PTK2: variants seen among roughly 807,000 people sequenced by gnomAD.
The protein encoded by PTK2 is focal adhesion kinase 1.
A neutral mutation model predicts 150.1 loss-of-function variants in PTK2; 45 were observed. The observed-to-expected ratio is 0.30, with a 90% confidence interval of 0.24 to 0.38. The LOEUF (loss-of-function observed/expected upper bound fraction) is 0.38. PTK2 is among the 10% of genes least tolerant of loss of function. PTK2 has a pLI of 1.00. For missense variants in PTK2, 919 were observed against 1,307.3 expected (o/e 0.70, Z 4.58); for synonymous variants, 432 against 449.2 (o/e 0.96, Z 0.48).
chr8:140,683,846 G>C (rs188574869), intron 27 of PTK2, among the ~76,000 whole-genome samples: 133 of 150,742 alleles, frequency 8.8e-4, no homozygotes, highest in Non-Finnish European at 1.6e-3. Context: ...GGTAATGAAG[G>C]AACATAACTC....
chr8:140,932,078 ACT>A (rs1472775063), intron 1 of PTK2, among the ~76,000 whole-genome samples: 1 of 151,066 alleles, frequency 6.6e-6, no homozygotes, highest in African/African-American at 2.4e-5. Flanking sequence ...TCCACATTCT[ACT>A]CTTTCCCCCA....
chr8:140,691,595 GTC>G (rs1408224828), intron 26 of PTK2, among the ~76,000 whole-genome samples: 2 of 152,098 alleles, frequency 1.3e-5, no homozygotes, highest in Non-Finnish European at 2.9e-5. Context: ...TCACCGCTGC[GTC>G]TCTGTTACCT....
intron 2 of PTK2, among the ~76,000 whole-genome samples, chr8:140,915,065 G>A (rs185822928): frequency 3.5e-5 from 5 of 142,616 alleles, no homozygotes; most frequent in South Asian, 2.2e-4. Flanking sequence ...AGTCTACTAC[G>A]TCTTAGGCAC....
intron 2 of PTK2, chr8:140,921,309 A>C: frequency 1.0e-5 from 2 of 198,348 alleles, no homozygotes; most frequent in Non-Finnish European, 2.0e-5. Flanking sequence ...TGCTAATCTC[A>C]CCCTTCTGTT....
At chr8:140,663,878 A>G (rs1484916988) in intron 31 of PTK2, among the ~76,000 whole-genome samples, 1 of 152,110 alleles carries the variant, frequency 6.6e-6, no homozygotes, top group Non-Finnish European at 1.5e-5. Flanking sequence ...GCTGGTCATA[A>G]ACTGGCTTTA....
chr8:140,715,685 T>C (rs2154250974), intron 23 of PTK2, among the ~76,000 whole-genome samples: 1 of 152,266 alleles, frequency 6.6e-6, no homozygotes, highest in East Asian at 1.9e-4. Flanking sequence ...TGGGCTATAG[T>C]TTCCTCATCT....
intron 2 of PTK2, among the ~76,000 whole-genome samples, chr8:140,923,638 G>A (rs2100168357): frequency 6.6e-6 from 1 of 152,184 alleles, no homozygotes; most frequent in African/African-American, 2.4e-5. Context: ...AGCGTAAGCA[G>A]TCCTCTATAT....
chr8:140,887,785 A>G (rs2100152855), intron 3 of PTK2, among the ~76,000 whole-genome samples: 1 of 152,246 alleles, frequency 6.6e-6, no homozygotes, highest in Admixed American at 6.5e-5. Context: ...ATCATTTAAC[A>G]TGTAATCATA....
chr8:140,941,004 T>A (rs1461517510), intron 1 of PTK2, among the ~76,000 whole-genome samples: 1 of 151,852 alleles, frequency 6.6e-6, no homozygotes, highest in Non-Finnish European at 1.5e-5. Context: ...AAAAATAAAT[T>A]CAACATGTGT....
chr8:140,791,433 A>C (rs1426754519), intron 13 of PTK2, among the ~76,000 whole-genome samples: 1 of 152,062 alleles, frequency 6.6e-6, no homozygotes, highest in Non-Finnish European at 1.5e-5. Context: ...CCCCAAATGA[A>C]CCTCTATCAG....
chr8:140,921,134 T>A, intron 2 of PTK2: 2 of 1,264,310 alleles, frequency 1.6e-6, no homozygotes, highest in Non-Finnish European at 9.9e-7. Context: ...TTCCGCAATC[T>A]GAAACACAGA....
chr8:140,854,005 G>A (rs961206173), intron 5 of PTK2, among the ~76,000 whole-genome samples: 1 of 152,066 alleles, frequency 6.6e-6, no homozygotes, highest in Non-Finnish European at 1.5e-5. Context: ...AAAGAAAACT[G>A]GAATAAAAAT....
At chr8:140,800,322 A>G in intron 12 of PTK2, 137 bp downstream of exon 12, 3 of 740,732 alleles carry the variant, frequency 4.1e-6, no homozygotes, top group Non-Finnish European at 7.1e-6. Context: ...ATAAGTCCTC[A>G]GATTATACTG....
intron 3 of PTK2, among the ~76,000 whole-genome samples, chr8:140,888,568 T>C (rs1317954590): frequency 6.6e-6 from 1 of 152,208 alleles, no homozygotes; most frequent in Non-Finnish European, 1.5e-5. Flanking sequence ...AACTTATACA[T>C]TTGTATCTGA....
rs1174065740 is a variant in PTK2, at chr8:140,791,766, A to G, written c.1124+1588T>C. On this transcript the variant is annotated intron_variant, in intron 13 of 31. Coordinates refer to ENST00000522684, the Ensembl canonical transcript of PTK2. ...GAAAAGGGGGTTGGAAGAAGAGTGG[A>G]TCATGCAAAGACAGAATATTGGCAA... Among the ~76,000 whole-genome samples the G allele has an allele frequency of 5.3e-5, 8 of 152,348 alleles. No individual in the cohort carries two copies. The East Asian group carries it at 1.5e-3, about 29-fold the overall frequency.
chr8:140,922,217 T>C (rs2100167735), intron 2 of PTK2, among the ~76,000 whole-genome samples: 1 of 152,144 alleles, frequency 6.6e-6, no homozygotes, highest in African/African-American at 2.4e-5. Flanking sequence ...CTCTTGATGA[T>C]GGCTTTGTCT....
At position 140,703,178 on chromosome 8, in the gene PTK2, G is replaced by A. The variant is rs530745472; in HGVS notation, c.2230-471C>T. Among the ~76,000 whole-genome samples the A allele has an allele frequency of 3.3e-5, 5 of 152,162 alleles. No homozygotes were observed. In the South Asian group the frequency reaches 1.0e-3, roughly 32 times the overall value. ...AGCTAATTGGGAGGCTAAGGCAGGA[G>A]AATGAACCCGGGAGGCGGAGCTTGC... On this transcript the variant is annotated intron_variant, in intron 24 of 31. Transcript: ENST00000522684.
At chr8:140,779,359 T>C (rs1327778731) in intron 14 of PTK2, among the ~76,000 whole-genome samples, 1 of 151,708 alleles carries the variant, frequency 6.6e-6, no homozygotes, top group East Asian at 1.9e-4. Context: ...GACAGTGAAC[T>C]GGGTGCTCAG....
chr8:140,809,639 T>C (rs1419743823), intron 10 of PTK2, among the ~76,000 whole-genome samples: 5 of 151,982 alleles, frequency 3.3e-5, no homozygotes, highest in Admixed American at 3.3e-4. Flanking sequence ...ACCCCCTCTC[T>C]ACAAAAAAAT....
Sources: gnomAD v4.1 joint callset for allele counts (sites outside exome capture counted in the v4.1 genomes callset) on GRCh38, gnomAD v4.1.1 for gene constraint, MANE v1.5 for transcripts, NCBI Gene and HGNC (gene_info 2026-07-23, HGNC 2026-07-21) for gene names.